The following IL1RAPL2 variants were observed in gnomAD, a reference collection of about 807,000 sequenced individuals.
IL1RAPL2 encodes the protein X-linked interleukin-1 receptor accessory protein-like 2.
A neutral mutation model predicts 44.1 loss-of-function variants in IL1RAPL2; 3 were observed. That is an observed-to-expected ratio of 0.07 (90% CI 0.03 to 0.18). The LOEUF (loss-of-function observed/expected upper bound fraction) is 0.18. IL1RAPL2 is among the 10% of genes least tolerant of loss of function. IL1RAPL2 has a pLI of 1.00. For missense variants in IL1RAPL2, 391 were observed against 496.4 expected (o/e 0.79, Z 2.02); for synonymous variants, 181 against 178.8 (o/e 1.01, Z -0.10).
chrX:105,015,086 T>C (rs1221587866), intron 2 of IL1RAPL2, among the ~76,000 whole-genome samples: 1 of 112,145 alleles, frequency 8.9e-6, no homozygotes, highest in East Asian at 2.8e-4. Flanking sequence ...CTTTTTTTAA[T>C]ATGTTTCTTG....
chrX:105,056,488 C>T (rs1175537051), intron 2 of IL1RAPL2, among the ~76,000 whole-genome samples: 1 of 111,538 alleles, frequency 9.0e-6, no homozygotes, highest in Admixed American at 9.5e-5. Flanking sequence ...AATTACAGTA[C>T]CAATTTGAAG....
intron 2 of IL1RAPL2, among the ~76,000 whole-genome samples, chrX:105,031,029 A>G (rs1293288276): frequency 3.6e-5 from 4 of 109,936 alleles, no homozygotes; most frequent in Non-Finnish European, 7.6e-5. Flanking sequence ...TTCACTCATG[A>G]TTTGGCTCTC....
intron 2 of IL1RAPL2, among the ~76,000 whole-genome samples, chrX:105,052,332 A>T (rs1441474246): frequency 1.8e-5 from 2 of 112,213 alleles, no homozygotes; most frequent in Non-Finnish European, 3.8e-5. Flanking sequence ...ATTGTCTGGG[A>T]CTATCTCCTG....
intron 2 of IL1RAPL2, among the ~76,000 whole-genome samples, chrX:104,722,281 A>AAC (rs1931694750): frequency 8.9e-6 from 1 of 111,869 alleles, no homozygotes; most frequent in African/African-American, 3.2e-5. Context: ...TTTATTTATA[A>AAC]ACAAAAATTT....
chrX:105,293,627 C>T (rs965854443), intron 5 of IL1RAPL2, among the ~76,000 whole-genome samples: 2 of 111,947 alleles, frequency 1.8e-5, no homozygotes, highest in Non-Finnish European at 3.8e-5. Context: ...TGGTGTTAAG[C>T]ATGTTTTCAT....
chrX:104,713,858 T>G (rs1419385724), intron 2 of IL1RAPL2, among the ~76,000 whole-genome samples: 1 of 110,893 alleles, frequency 9.0e-6, no homozygotes, highest in Non-Finnish European at 1.9e-5. Flanking sequence ...CATGGGCCAT[T>G]GGTCAGAATT....
intron 4 of IL1RAPL2, among the ~76,000 whole-genome samples, chrX:105,252,592 A>G (rs1219824625): frequency 3.6e-5 from 4 of 111,861 alleles, no homozygotes; most frequent in Non-Finnish European, 5.7e-5. Context: ...AAGCAAACTA[A>G]AGCTTCTTAA....
At chrX:105,529,745 A>G (rs1307840244) in intron 6 of IL1RAPL2, among the ~76,000 whole-genome samples, 3 of 111,718 alleles carry the variant, frequency 2.7e-5, no homozygotes, top group African/African-American at 6.5e-5. Context: ...GCCTGTCTCT[A>G]TTCCATGGAA....
At chrX:105,568,423 A>G (rs1290450805) in intron 6 of IL1RAPL2, among the ~76,000 whole-genome samples, 1 of 112,150 alleles carries the variant, frequency 8.9e-6, no homozygotes, top group African/African-American at 3.2e-5. Context: ...ATCAGAAGAC[A>G]GTTAACTTCC....
At chrX:104,974,773 C>T (rs932645711) in intron 2 of IL1RAPL2, among the ~76,000 whole-genome samples, 1 of 112,323 alleles carries the variant, frequency 8.9e-6, no homozygotes, top group Non-Finnish European at 1.9e-5. Flanking sequence ...GGTCCAGACC[C>T]TTAGTAAATT....
At chrX:104,632,450 G>A (rs900108922) in intron 1 of IL1RAPL2, among the ~76,000 whole-genome samples, 38 of 111,516 alleles carry the variant, frequency 3.4e-4, no homozygotes, top group East Asian at 3.1e-3. Context: ...CCATTTTCAC[G>A]ATATTGATTC....
intron 2 of IL1RAPL2, among the ~76,000 whole-genome samples, chrX:104,840,853 T>TTA (rs1391680236): frequency 1.8e-4 from 19 of 107,672 alleles, no homozygotes; most frequent in African/African-American, 6.4e-4. Flanking sequence ...ATTTATTTAT[T>TTA]TTTTTTTTGT....
At chrX:105,550,276 T>A (rs1015539563) in intron 6 of IL1RAPL2, among the ~76,000 whole-genome samples, 27 of 112,114 alleles carry the variant, frequency 2.4e-4, no homozygotes, top group African/African-American at 8.4e-4. Flanking sequence ...TTATGTTCTG[T>A]ATTGTCACCT....
chrX:105,214,909 C>T (rs1046600456), intron 3 of IL1RAPL2, among the ~76,000 whole-genome samples: 1 of 112,075 alleles, frequency 8.9e-6, no homozygotes, highest in Non-Finnish European at 1.9e-5. Flanking sequence ...TTCTTTGAAA[C>T]CAATGAGAAC....
intron 2 of IL1RAPL2, among the ~76,000 whole-genome samples, chrX:104,676,782 G>A (rs1398438471): frequency 2.7e-5 from 3 of 111,377 alleles, no homozygotes; most frequent in Non-Finnish European, 5.7e-5. Flanking sequence ...CATATTTCTT[G>A]GAGGCTTTGC....
At chrX:104,911,018 G>A (rs754636055) in intron 2 of IL1RAPL2, among the ~76,000 whole-genome samples, 57 of 111,770 alleles carry the variant, frequency 5.1e-4, no homozygotes, top group Admixed American at 8.6e-4. Flanking sequence ...CCAACTTTAT[G>A]CCAATAAAAT....
At chrX:105,078,526 T>C (rs2147545517) in intron 2 of IL1RAPL2, among the ~76,000 whole-genome samples, 1 of 112,389 alleles carries the variant, frequency 8.9e-6, no homozygotes, top group Non-Finnish European at 1.9e-5. Flanking sequence ...GATCTCCAGC[T>C]GCATGCTGGG....
chrX:105,368,339 A>G (rs2035311633), intron 5 of IL1RAPL2, among the ~76,000 whole-genome samples: 1 of 111,743 alleles, frequency 8.9e-6, no homozygotes, highest in East Asian at 2.8e-4. Context: ...ACCAAATTCA[A>G]CAACCCAATT....
At chrX:105,274,277 A>G (rs2034469434) in intron 5 of IL1RAPL2, among the ~76,000 whole-genome samples, 1 of 112,046 alleles carries the variant, frequency 8.9e-6, no homozygotes, top group East Asian at 2.8e-4. Context: ...TTGAATCTGC[A>G]TGTGGTATGG....
Sources: allele counts gnomAD v4.1 joint callset (sites outside exome capture counted in the v4.1 genomes callset), GRCh38; gene constraint gnomAD v4.1.1; transcripts MANE v1.5; gene names NCBI Gene and HGNC (gene_info 2026-07-23, HGNC 2026-07-21).